RBFOX1: variants seen among roughly 807,000 people sequenced by gnomAD.
The protein encoded by RBFOX1 is RNA binding fox-1 homolog 1.
RBFOX1 carries 8 observed loss-of-function variants against 57.7 expected under a neutral mutation model. That is an observed-to-expected ratio of 0.14 (90% confidence interval 0.08 to 0.25). The LOEUF (loss-of-function observed/expected upper bound fraction) is 0.25, where lower values mean the gene tolerates loss of function less well. Ranked by LOEUF, RBFOX1 falls within the 10% of genes least tolerant of loss-of-function variation. The pLI, the probability that RBFOX1 is intolerant of heterozygous loss-of-function variation, is 1.00. For synonymous variants in RBFOX1, 326 were observed against 222.4 expected (o/e 1.47, Z -4.15); for missense variants, 611 against 548.5 (o/e 1.11, Z -1.14).
intron 4 of RBFOX1, among the ~76,000 whole-genome samples, chr16:7,155,436 A>G (rs74517100): frequency 0.19 from 29,440 of 151,316 alleles, 2,931 homozygotes; most frequent in East Asian, 0.25. Context: ...ATAAAATGAT[A>G]ATAATAGAAA....
chr16:7,012,522 A>T (rs1204735742), intron 3 of RBFOX1, among the ~76,000 whole-genome samples: 3 of 152,210 alleles, frequency 2.0e-5, no homozygotes, highest in Non-Finnish European at 2.9e-5. Context: ...ACAGTGAGAA[A>T]AACAAGGACA....
chr16:5,689,213 A>T (rs1335505001), intron 3 of RBFOX1, among the ~76,000 whole-genome samples: 1 of 152,188 alleles, frequency 6.6e-6, no homozygotes, highest in Non-Finnish European at 1.5e-5. Context: ...GGCACTCATT[A>T]AGGATTGCTT....
intron 4 of RBFOX1, among the ~76,000 whole-genome samples, chr16:7,446,377 G>A (rs766153192): frequency 3.3e-5 from 5 of 152,112 alleles, no homozygotes; most frequent in African/African-American, 7.2e-5. Context: ...AGAAGTTGAG[G>A]AGAAGTAGAA....
intron 2 of RBFOX1, among the ~76,000 whole-genome samples, chr16:6,390,949 C>G (rs1468874786): frequency 6.6e-6 from 1 of 152,106 alleles, no homozygotes; most frequent in African/African-American, 2.4e-5. Context: ...TACTGACATT[C>G]GAAGCTGGAG....
chr16:6,261,729 G>T (rs747691230), intron 1 of RBFOX1, among the ~76,000 whole-genome samples: 1 of 152,138 alleles, frequency 6.6e-6, no homozygotes, highest in Non-Finnish European at 1.5e-5. Context: ...AGGCATGGTG[G>T]CTTAGCTTCT....
chr16:7,200,774 G>C (rs973108657), intron 4 of RBFOX1, among the ~76,000 whole-genome samples: 1 of 152,140 alleles, frequency 6.6e-6, no homozygotes, highest in Non-Finnish European at 1.5e-5. Flanking sequence ...TGCATCCTGG[G>C]AAAAGCCTCT....
At chr16:5,512,856 A>G (rs2043653623) in intron 2 of RBFOX1, among the ~76,000 whole-genome samples, 1 of 152,242 alleles carries the variant, frequency 6.6e-6, no homozygotes, top group South Asian at 2.1e-4. Context: ...TGTATCCAGG[A>G]CACAACATTA....
intron 12 of RBFOX1, among the ~76,000 whole-genome samples, chr16:7,656,964 A>G (rs576320971): frequency 6.6e-6 from 1 of 151,982 alleles, no homozygotes; most frequent in African/African-American, 2.4e-5. Flanking sequence ...CTCCACCCAC[A>G]CCCCCAGCAA....
chr16:6,424,643 A>G (rs1296704464), intron 2 of RBFOX1, among the ~76,000 whole-genome samples: 1 of 23,282 alleles, frequency 4.3e-5, no homozygotes, highest in African/African-American at 1.1e-4. Context: ...GTGGGGAGAT[A>G]ATTATAACTT....
rs145614287 is a variant in RBFOX1 at position 6,367,316 on chromosome 16, G to A, written c.-64+50259G>A. Among the ~76,000 whole-genome samples, 18 of 151,942 alleles carry A rather than the reference G, an allele frequency of 1.2e-4. No individual in the cohort carries two copies. The East Asian group carries it at 3.5e-3, about 30-fold the overall frequency. ...GGTGTAGTCTCACACCGTTGCCTGG[G>A]CTGGAGTGCAATGGTGTGATCTTGG... On this transcript the variant is annotated intron_variant, in intron 2 of 15. Transcript: ENST00000550418.
chr16:6,413,726 A>G lies in RBFOX1; in HGVS notation c.-64+96669A>G, dbSNP rs576624502. ...GTGACTACTGGAAGAACAAGACCACATGAAGGTTTATCTTTTGATACTTAA... is the reference window on the plus strand; with the variant it reads ...GTGACTACTGGAAGAACAAGACCACGTGAAGGTTTATCTTTTGATACTTAA... On this transcript the variant is annotated intron_variant, in intron 2 of 15. Transcript: ENST00000550418. 1.1e-4 allele frequency among the ~76,000 whole-genome samples: 16 copies of G among 152,338 alleles called. No individual in the cohort carries two copies. The East Asian group carries it at 3.1e-3, about 29-fold the overall frequency.
At chr16:5,558,911 C>T (rs1038169675) in intron 2 of RBFOX1, among the ~76,000 whole-genome samples, 1 of 152,092 alleles carries the variant, frequency 6.6e-6, no homozygotes, top group Admixed American at 6.5e-5. Context: ...TGTCTGGGAC[C>T]ACCCCTTAGA....
chr16:6,129,200 T>G (rs193042054), intron 1 of RBFOX1, among the ~76,000 whole-genome samples: 136 of 152,308 alleles, frequency 8.9e-4, no homozygotes, highest in Middle Eastern at 3.4e-3. Context: ...GACCCTGATG[T>G]GTCATGGATA....
intron 3 of RBFOX1, among the ~76,000 whole-genome samples, chr16:6,953,362 C>T (rs990951680): frequency 1.4e-5 from 2 of 140,720 alleles, no homozygotes; most frequent in Non-Finnish European, 3.0e-5. Flanking sequence ...CACAATGTTT[C>T]CCATATACAT....
At chr16:5,989,156 T>TAAA (rs71404568) in intron 4 of RBFOX1, among the ~76,000 whole-genome samples, 114 of 134,032 alleles carry the variant, frequency 8.5e-4, no homozygotes, top group South Asian at 5.8e-3. Flanking sequence ...CTGTCTCTAC[T>TAAA]AAAAAAAAAA....
At chr16:5,735,938 T>G (rs573068227) in intron 3 of RBFOX1, among the ~76,000 whole-genome samples, 5 of 152,208 alleles carry the variant, frequency 3.3e-5, no homozygotes, top group South Asian at 2.1e-4. Context: ...TGACACATGT[T>G]CCCCAGATGG....
At chr16:5,890,305 T>C (rs2151933323) in intron 4 of RBFOX1, among the ~76,000 whole-genome samples, 1 of 152,322 alleles carries the variant, frequency 6.6e-6, no homozygotes, top group South Asian at 2.1e-4. Context: ...TCATGTTGAC[T>C]GACTTTACCC....
intron 4 of RBFOX1, among the ~76,000 whole-genome samples, chr16:7,120,964 A>G (rs2067043444): frequency 6.6e-6 from 1 of 151,972 alleles, no homozygotes; most frequent in Non-Finnish European, 1.5e-5. Context: ...CATATTGAAA[A>G]AAATCAATGT....
rs899288815 is a variant in RBFOX1, at chr16:6,492,757, C to T, written c.-63-161846C>T. 6.6e-5 allele frequency among the ~76,000 whole-genome samples: 10 copies of T among 152,062 alleles called. No individual in the cohort carries two copies. In the South Asian group the frequency reaches 1.7e-3, roughly 25 times the overall value. On this transcript the variant is annotated intron_variant, in intron 2 of 15. Transcript: ENST00000550418. ...AGTAGGGTGATTGGAGGTCAAGGACCCTTGTAGGAATGAAGTGGATTTGCC... is the reference window on the plus strand; with the variant it reads ...AGTAGGGTGATTGGAGGTCAAGGACTCTTGTAGGAATGAAGTGGATTTGCC...
Sources: gnomAD v4.1 joint callset for allele counts (sites outside exome capture counted in the v4.1 genomes callset) on GRCh38, gnomAD v4.1.1 for gene constraint, MANE v1.5 for transcripts, NCBI Gene and HGNC (gene_info 2026-07-23, HGNC 2026-07-21) for gene names.